The following PADI3 variants were observed in gnomAD, a reference collection of about 807,000 sequenced individuals.
PADI3 encodes peptidyl arginine deiminase 3, also known as protein-arginine deiminase type-3.
PADI3 carries 53 observed loss-of-function variants against 71.5 expected under a neutral mutation model. The ratio of observed to expected loss-of-function variants is 0.74; its 90% CI spans 0.59 to 0.93. PADI3 has a LOEUF of 0.93. Among genes scored for constraint, PADI3 ranks in the 40% least tolerant of loss-of-function variants. The pLI is 0.00. For synonymous variants in PADI3, 361 were observed against 347.5 expected (o/e 1.04, Z -0.43); for missense variants, 821 against 868.0 (o/e 0.95, Z 0.68).
At chr1:17,273,178 T>C (rs1446632560) in intron 9 of PADI3, among the ~76,000 whole-genome samples, 162 bp from the exon 10 acceptor site, 1 of 152,120 alleles carries the variant, frequency 6.6e-6, no homozygotes, top group East Asian at 1.9e-4. Flanking sequence ...CCTCCTCCAG[T>C]CAGCAGGCAC....
chr1:17,269,131 C>T (rs1232621229), intron 6 of PADI3, among the ~76,000 whole-genome samples: 6 of 152,142 alleles, frequency 3.9e-5, no homozygotes, highest in South Asian at 4.2e-4. Flanking sequence ...GCAATCCACC[C>T]GCTTTGGCCT....
chr1:17,265,675 C>T lies in PADI3; in HGVS notation c.363C>T (p.Cys121=), dbSNP rs184718653. 7.2e-5 allele frequency: 117 copies of T among 1,614,008 alleles called. No individual in the cohort carries two copies. The highest frequency in any genetic ancestry group is 4.5e-4 in the Admixed American group (27 of 60,024). The change falls in exon 4 of 16, where the codon TGC becomes TGT. Residue 121 remains cysteine, a synonymous_variant. Transcript: ENST00000375460. Reference sequence around the variant, plus strand: ...CTCTTGCAGACATCTCTCTGGATTGCGACCTGAACTGTGAGGGAAGGCAGG... The same window carrying T: ...CTCTTGCAGACATCTCTCTGGATTGTGACCTGAACTGTGAGGGAAGGCAGG... ...YLTCVDISLD[C]DLNCEGRQDR...
intron 4 of PADI3, among the ~76,000 whole-genome samples, chr1:17,266,359 G>A (rs2073168569): frequency 6.6e-6 from 1 of 152,188 alleles, no homozygotes; most frequent in Admixed American, 6.5e-5. Flanking sequence ...GCTCTGAAGG[G>A]GTGCAGGAGG....
intron 13 of PADI3, among the ~76,000 whole-genome samples, chr1:17,278,520 G>A (rs1180925865): frequency 1.3e-5 from 2 of 152,166 alleles, no homozygotes; most frequent in Non-Finnish European, 2.9e-5. Flanking sequence ...GAACTACTGT[G>A]TCTGGCCAGG....
chr1:17,271,375 T>G (rs1410342373), intron 9 of PADI3, among the ~76,000 whole-genome samples, 197 bp downstream of exon 9: 1 of 152,074 alleles, frequency 6.6e-6, no homozygotes, highest in Non-Finnish European at 1.5e-5. Context: ...CAACACCCAT[T>G]CACCCACCGG....
intron 1 of PADI3, among the ~76,000 whole-genome samples, chr1:17,258,162 A>G (rs1334692583): frequency 1.3e-5 from 2 of 152,180 alleles, no homozygotes; most frequent in East Asian, 3.9e-4. Flanking sequence ...ACACAGCATG[A>G]GCTCAGTAAG....
intron 1 of PADI3, 116 bp from the exon 2 acceptor site, chr1:17,259,462 G>C (rs2073072733): frequency 1.2e-6 from 1 of 858,612 alleles, no homozygotes; most frequent in South Asian, 1.8e-5. Context: ...GAGGATCTGA[G>C]GGGACTGGGT....
At position 17,266,773 on chromosome 1, in the gene PADI3, G is replaced by A. The variant is rs1415245643; in HGVS notation, c.463G>A (p.Asp155Asn). ...GYGGILLVNC[D>N]RDDPSCDVQD... ...TGGCGGCATCTTGCTGGTGAACTGT[G>A]ACCGTGATGATCCGAGCTGTGATGT... The change falls in exon 5 of 16, where the codon GAC becomes AAC. Residue 155 changes from aspartate to asparagine, a missense_variant. Transcript: ENST00000375460. 1.4e-5 allele frequency: 23 copies of A among 1,614,040 alleles called. No homozygotes were observed. The highest frequency in any genetic ancestry group is 1.6e-5 in the Non-Finnish European group (19 of 1,180,034).
At chr1:17,278,127 A>G (rs1377351482) in intron 13 of PADI3, among the ~76,000 whole-genome samples, 1 of 152,138 alleles carries the variant, frequency 6.6e-6, no homozygotes, top group Non-Finnish European at 1.5e-5. Context: ...GCAAATAAAA[A>G]CCACCCTGAC....
intron 2 of PADI3, among the ~76,000 whole-genome samples, chr1:17,260,030 A>G (rs557739823): frequency 1.3e-5 from 2 of 152,252 alleles, no homozygotes; most frequent in East Asian, 3.9e-4. Context: ...ATTGCTGTGG[A>G]GTGCCATAGG....
intron 3 of PADI3, among the ~76,000 whole-genome samples, chr1:17,263,001 G>A (rs576470965): frequency 3.9e-4 from 60 of 152,212 alleles, no homozygotes; most frequent in Admixed American, 1.4e-3. Context: ...CGCAACCTCC[G>A]CCTCCTGGGT....
chr1:17,279,754 G>A (rs984252801), intron 13 of PADI3, among the ~76,000 whole-genome samples: 2 of 152,178 alleles, frequency 1.3e-5, no homozygotes, highest in Admixed American at 6.5e-5. Context: ...CATGGTAAGC[G>A]CTTACTAAGT....
At chr1:17,273,238 G>A in intron 9 of PADI3, 102 bp from the exon 10 acceptor site, 1 of 823,056 alleles carries the variant, frequency 1.2e-6, no homozygotes, top group Non-Finnish European at 1.9e-6. Context: ...CTTGGGCCAG[G>A]GGACTTGGTG....
At chr1:17,255,274 G>A (rs2073013737) in intron 1 of PADI3, among the ~76,000 whole-genome samples, 1 of 152,164 alleles carries the variant, frequency 6.6e-6, no homozygotes, top group Admixed American at 6.5e-5. Context: ...TGATGCTGTT[G>A]GCCACCCTAC....
intron 15 of PADI3, among the ~76,000 whole-genome samples, chr1:17,281,574 AG>A (rs1247042383): frequency 6.6e-6 from 1 of 151,428 alleles, no homozygotes; most frequent in Non-Finnish European, 1.5e-5. Context: ...CCTCCTGAGT[AG>A]CTGGGATTGT....
At chr1:17,277,046 C>T (rs1238816289) in intron 13 of PADI3, among the ~76,000 whole-genome samples, 170 bp downstream of exon 13, 2 of 152,208 alleles carry the variant, frequency 1.3e-5, no homozygotes, top group Non-Finnish European at 2.9e-5. Context: ...CACCACTGCC[C>T]ACAGCTGGGG....
chr1:17,256,606 C>T (rs2073030669), intron 1 of PADI3, among the ~76,000 whole-genome samples: 1 of 152,228 alleles, frequency 6.6e-6, no homozygotes, highest in Non-Finnish European at 1.5e-5. Context: ...GGCTGAAACA[C>T]CCTACACCCA....
In PADI3 at chr1:17,282,953, G is replaced by A. The variant is rs2293920; in HGVS notation, c.1869G>A (p.Pro623=). 5.6e-6 allele frequency: 9 copies of A among 1,613,772 alleles called. No individual in the cohort carries two copies. The highest frequency in any genetic ancestry group is 1.6e-4 in the Middle Eastern group (1 of 6,084). Residue 623 remains proline, a synonymous_variant, in exon 16 of 16, where the codon CCG becomes CCA. Transcript: ENST00000375460. ...LEEKVRSLLE[P]LGLHCTFIDD... ...AGAAGGTGCGGTCCCTGCTGGAGCC[G>A]CTGGGCCTCCACTGCACCTTCATTG...
chr1:17,281,579 G>A (rs2073401356), intron 15 of PADI3, among the ~76,000 whole-genome samples: 1 of 150,918 alleles, frequency 6.6e-6, no homozygotes, highest in Non-Finnish European at 1.5e-5. Flanking sequence ...TGAGTAGCTG[G>A]GATTGTGGGA....
Sources: allele counts gnomAD v4.1 joint callset (sites outside exome capture counted in the v4.1 genomes callset), GRCh38; gene constraint gnomAD v4.1.1; transcripts MANE v1.5; gene names NCBI Gene and HGNC (gene_info 2026-07-23, HGNC 2026-07-21).